The following PTPRD variants were observed in gnomAD, a reference collection of about 807,000 sequenced individuals.
PTPRD encodes protein tyrosine phosphatase receptor type D, also known as receptor-type tyrosine-protein phosphatase delta.
Under a neutral mutation model 214.5 loss-of-function variants are expected in PTPRD, and 34 were observed. The observed-to-expected ratio is 0.16, with a 90% confidence interval of 0.12 to 0.21. The LOEUF (loss-of-function observed/expected upper bound fraction) is 0.21, where lower values mean the gene tolerates loss of function less well. Ranked by LOEUF, PTPRD falls within the 10% of genes least tolerant of loss-of-function variation. PTPRD has a pLI of 1.00. For missense variants in PTPRD, 2,545 were observed against 2,398.7 expected (o/e 1.06, Z -1.27); for synonymous variants, 1,128 against 845.7 (o/e 1.33, Z -5.79).
intron 8 of PTPRD, among the ~76,000 whole-genome samples, chr9:9,504,150 G>A (rs566728537): frequency 1.3e-5 from 2 of 151,688 alleles, no homozygotes; most frequent in South Asian, 2.1e-4. Context: ...GTTGACAGTT[G>A]AAAACTAGAG....
intron 2 of PTPRD, among the ~76,000 whole-genome samples, chr9:10,603,382 G>C (rs964153329): frequency 2.6e-5 from 4 of 151,804 alleles, no homozygotes; most frequent in African/African-American, 4.8e-5. Flanking sequence ...ATTCACATTT[G>C]TGATCATTTA....
chr9:10,233,360 G>C (rs1449136181), intron 3 of PTPRD, among the ~76,000 whole-genome samples: 1 of 151,904 alleles, frequency 6.6e-6, no homozygotes, highest in Non-Finnish European at 1.5e-5. Context: ...TGTTCTCTGA[G>C]ACAGCATTAT....
At chr9:9,062,848 A>G (rs1205387947) in intron 10 of PTPRD, among the ~76,000 whole-genome samples, 2 of 152,210 alleles carry the variant, frequency 1.3e-5, no homozygotes, top group African/African-American at 4.8e-5. Flanking sequence ...CATCCCAGGC[A>G]GCTCGTAAAC....
intron 9 of PTPRD, among the ~76,000 whole-genome samples, chr9:9,363,255 G>A (rs922846832): frequency 6.6e-6 from 1 of 150,454 alleles, no homozygotes; most frequent in African/African-American, 2.4e-5. Context: ...CACCCCAAAA[G>A]GCATCTAAAA....
At chr9:10,433,368 C>T (rs111864423) in intron 2 of PTPRD, among the ~76,000 whole-genome samples, 8 of 152,020 alleles carry the variant, frequency 5.3e-5, no homozygotes, top group African/African-American at 1.4e-4. Flanking sequence ...TCCAGTTTTG[C>T]TAATCGAGGT....
chr9:9,317,368 A>G (rs953632), intron 9 of PTPRD, among the ~76,000 whole-genome samples: 22,524 of 152,176 alleles, frequency 0.15, 2,144 homozygotes, highest in East Asian at 0.47. Flanking sequence ...GTCAAACTCA[A>G]TATTTCTAAA....
chr9:9,825,889 TTTA>T (rs1461456453), intron 5 of PTPRD, among the ~76,000 whole-genome samples: 2 of 151,792 alleles, frequency 1.3e-5, no homozygotes, highest in East Asian at 3.9e-4. Context: ...AAATGACACA[TTTA>T]TTCTTTTTTC....
chr9:9,724,450 A>C (rs566893066), intron 7 of PTPRD, among the ~76,000 whole-genome samples: 1 of 152,278 alleles, frequency 6.6e-6, no homozygotes, highest in East Asian at 1.9e-4. Flanking sequence ...CCCAGAATGG[A>C]AATAACCTGA....
intron 8 of PTPRD, among the ~76,000 whole-genome samples, chr9:9,505,643 G>A (rs764432032): frequency 2.0e-5 from 3 of 151,440 alleles, no homozygotes; most frequent in Non-Finnish European, 3.0e-5. Context: ...AGGTGGCAAG[G>A]TTTCATCTAG....
intron 8 of PTPRD, among the ~76,000 whole-genome samples, chr9:9,455,447 T>G (rs1439626007): frequency 6.6e-6 from 1 of 151,734 alleles, no homozygotes; most frequent in East Asian, 1.9e-4. Context: ...ATACCAACAG[T>G]GCAGAACATT....
At chr9:8,557,435 C>CATAT (rs34006120) in intron 14 of PTPRD, among the ~76,000 whole-genome samples, 5,946 of 133,528 alleles carry the variant, frequency 0.045, 313 homozygotes, top group African/African-American at 0.082. Flanking sequence ...TTTGTAAATA[C>CATAT]ATATATATAT....
intron 5 of PTPRD, among the ~76,000 whole-genome samples, chr9:9,780,606 G>A (rs1455550497): frequency 6.6e-6 from 1 of 152,058 alleles, no homozygotes; most frequent in Non-Finnish European, 1.5e-5. Flanking sequence ...TGCAAAAATG[G>A]CACAGGCACT....
intron 11 of PTPRD, among the ~76,000 whole-genome samples, chr9:8,741,682 C>A (rs947911952): frequency 6.9e-6 from 1 of 145,416 alleles, no homozygotes; most frequent in Admixed American, 7.1e-5. Context: ...CCCCCACTTC[C>A]CAGGTTCAAG....
At chr9:8,657,428 C>T (rs2096934049) in intron 12 of PTPRD, among the ~76,000 whole-genome samples, 1 of 152,120 alleles carries the variant, frequency 6.6e-6, no homozygotes. Context: ...CTTGGCCCCC[C>T]AAAGTGCTGG....
At chr9:9,732,903 C>A (rs2098224064) in intron 7 of PTPRD, among the ~76,000 whole-genome samples, 1 of 106,188 alleles carries the variant, frequency 9.4e-6, no homozygotes, top group Non-Finnish European at 1.8e-5. Context: ...CACAGTGAAA[C>A]CTTGTTTCCA....
At chr9:8,742,143 C>G (rs2033553) in intron 11 of PTPRD, among the ~76,000 whole-genome samples, 1 of 152,036 alleles carries the variant, frequency 6.6e-6, no homozygotes, top group South Asian at 2.1e-4. Flanking sequence ...ACTAATATGT[C>G]AGTCAAGCTT....
At chr9:8,436,005 T>G (rs1023212082) in intron 35 of PTPRD, among the ~76,000 whole-genome samples, 1 of 152,260 alleles carries the variant, frequency 6.6e-6, no homozygotes, top group Non-Finnish European at 1.5e-5. Context: ...AATCTTTCTT[T>G]CTAGATGAGG....
chr9:9,421,820 T>G (rs1400370328), intron 8 of PTPRD, among the ~76,000 whole-genome samples: 4 of 152,100 alleles, frequency 2.6e-5, no homozygotes, highest in African/African-American at 9.7e-5. Context: ...TGGCACATGG[T>G]GTGCACTCAA....
intron 11 of PTPRD, among the ~76,000 whole-genome samples, chr9:8,815,310 G>A (rs781171189): frequency 1.2e-4 from 18 of 151,948 alleles, no homozygotes; most frequent in Non-Finnish European, 1.5e-4. Flanking sequence ...GGAATGGTAG[G>A]CTACTGAAAC....
Sources: gnomAD v4.1 joint callset for allele counts (sites outside exome capture counted in the v4.1 genomes callset) on GRCh38, gnomAD v4.1.1 for gene constraint, MANE v1.5 for transcripts, NCBI Gene and HGNC (gene_info 2026-07-23, HGNC 2026-07-21) for gene names.